DNAJC3: variants seen among roughly 807,000 people sequenced by gnomAD.
The protein encoded by DNAJC3 is DnaJ heat shock protein family (Hsp40) member C3, also known as dnaJ homolog subfamily C member 3.
A neutral mutation model predicts 68.6 loss-of-function variants in DNAJC3; 38 were observed. That is an observed-to-expected ratio of 0.55 (90% CI 0.43 to 0.73). DNAJC3 has a LOEUF of 0.73. Among genes scored for constraint, DNAJC3 ranks in the 30% least tolerant of loss-of-function variants. The pLI, the probability that DNAJC3 is intolerant of heterozygous loss-of-function variation, is 0.00. For synonymous variants in DNAJC3, 203 were observed against 204.0 expected (o/e 1.00, Z 0.04); for missense variants, 526 against 591.9 (o/e 0.89, Z 1.16).
intron 7 of DNAJC3, 48 bp downstream of exon 7, chr13:95,760,846 G>A (rs866571162): frequency 1.3e-6 from 2 of 1,588,038 alleles, no homozygotes; most frequent in African/African-American, 1.4e-5. Context: ...TATGTGCGGG[G>A]CTGTGGGCAC....
At chr13:95,691,786 A>C (rs1880270441) in intron 1 of DNAJC3, among the ~76,000 whole-genome samples, 1 of 151,914 alleles carries the variant, frequency 6.6e-6, no homozygotes, top group African/African-American at 2.4e-5. Context: ...AGTGAACGAG[A>C]CTCCCTCTGC....
intron 9 of DNAJC3, among the ~76,000 whole-genome samples, chr13:95,775,616 A>G (rs1883271560): frequency 6.6e-6 from 1 of 152,180 alleles, no homozygotes; most frequent in Non-Finnish European, 1.5e-5. Flanking sequence ...GTGTTAGTAT[A>G]CTTTTATAAT....
chr13:95,709,477 G>A (rs887878517), intron 2 of DNAJC3, 140 bp downstream of exon 2: 10 of 600,740 alleles, frequency 1.7e-5, no homozygotes, highest in African/African-American at 5.9e-5. Context: ...GATTCTGAGC[G>A]AAATAGATGG....
At chr13:95,773,152 GTTT>G (rs1191609072) in intron 9 of DNAJC3, among the ~76,000 whole-genome samples, 1,799 of 97,832 alleles carry the variant, frequency 0.018, 56 homozygotes, top group African/African-American at 0.066. Flanking sequence ...GACAAATTTA[GTTT>G]TTTTTTTTTT....
chr13:95,723,702 C>T (rs191393043), intron 3 of DNAJC3, among the ~76,000 whole-genome samples: 2 of 152,236 alleles, frequency 1.3e-5, no homozygotes, highest in African/African-American at 4.8e-5. Context: ...AAGATGCTAT[C>T]AGGTGACTGG....
intron 4 of DNAJC3, among the ~76,000 whole-genome samples, chr13:95,755,692 G>T (rs958628422): frequency 6.8e-6 from 1 of 146,000 alleles, no homozygotes; most frequent in Non-Finnish European, 1.5e-5. Context: ...AGGAGACGGA[G>T]GTTGCAGTGA....
At chr13:95,687,279 CT>C (rs1880096918) in intron 1 of DNAJC3, among the ~76,000 whole-genome samples, 1 of 151,916 alleles carries the variant, frequency 6.6e-6, no homozygotes, top group Non-Finnish European at 1.5e-5. Flanking sequence ...TTAGTAGAAT[CT>C]TTAGGGTTTT....
intron 4 of DNAJC3, among the ~76,000 whole-genome samples, chr13:95,742,449 T>C (rs537240285): frequency 1.3e-5 from 2 of 152,338 alleles, no homozygotes; most frequent in African/African-American, 4.8e-5. Flanking sequence ...GCAGTCTCCA[T>C]GCAGCTGGTT....
chr13:95,694,897 T>C (rs1880390044), intron 1 of DNAJC3: 1 of 152,654 alleles, frequency 6.6e-6, no homozygotes. Context: ...CTTATGTCCC[T>C]AGAAACCTGA....
In DNAJC3 at chr13:95,760,321, G is replaced by A. The variant is rs190109498; in HGVS notation, c.728+100G>A. The A allele has an allele frequency of 2.8e-4, 300 of 1,074,524 alleles. 1 individual carries two copies. In the African/African-American group the frequency reaches 4.3e-3, roughly 15 times the overall value. 66.6% of individuals were successfully genotyped at this position (1,074,524 alleles called of 1,614,324 possible). A position where few individuals can be genotyped will look rare whatever the true frequency, so the allele number is the denominator to read the frequency against. ...TTTAATATTAAATTAATAAGATGAT[G>A]GTAGTTAAGGCTGTTTTTATATTGT... On this transcript the variant is annotated intron_variant, in intron 6 of 11. Coordinates refer to ENST00000602402, the MANE Select transcript of DNAJC3 (RefSeq NM_006260.5).
At chr13:95,728,455 G>T (rs948385001) in intron 4 of DNAJC3, among the ~76,000 whole-genome samples, 2 of 152,048 alleles carry the variant, frequency 1.3e-5, no homozygotes, top group South Asian at 2.1e-4. Context: ...GTGCTTATTT[G>T]CCATCTGTAA....
intron 5 of DNAJC3, among the ~76,000 whole-genome samples, chr13:95,758,607 G>C (rs1289909438): frequency 7.5e-6 from 1 of 133,418 alleles, no homozygotes; most frequent in African/African-American, 3.1e-5. Context: ...CACAGAGTGA[G>C]ACTCCGTCTC....
At position 95,757,679 on chromosome 13, in the gene DNAJC3, A is replaced by C. The variant is rs757652876; in HGVS notation, c.429A>C (p.Glu143Asp). Residue 143 changes from glutamate to aspartate, a missense_variant, in exon 5 of 12, where the codon GAA becomes GAC. Transcript: ENST00000602402. ...ATCCAAGTGAAAATGAAGAAAAGGA[A>C]GCACAGTCTCAACTTATAAAATCTG... The part of the protein sequence containing the change: ...KSNPSENEEK[E>D]AQSQLIKSDE... 3 of 1,575,746 alleles carry C rather than the reference A, an allele frequency of 1.9e-6. No homozygotes were observed. In the Admixed American group the frequency reaches 5.0e-5, roughly 27 times the overall value.
chr13:95,756,231 C>G (rs867538802), intron 4 of DNAJC3, among the ~76,000 whole-genome samples: 1 of 152,310 alleles, frequency 6.6e-6, no homozygotes, highest in African/African-American at 2.4e-5. Context: ...CATTCATACT[C>G]TCTCCGATGG....
At chr13:95,752,598 G>A (rs542659709) in intron 4 of DNAJC3, among the ~76,000 whole-genome samples, 1 of 152,158 alleles carries the variant, frequency 6.6e-6, no homozygotes, top group East Asian at 1.9e-4. Flanking sequence ...AACTCCACTC[G>A]CGATTATATA....
chr13:95,691,062 A>AG (rs1358449724), intron 1 of DNAJC3, among the ~76,000 whole-genome samples: 1 of 131,102 alleles, frequency 7.6e-6, no homozygotes, highest in Admixed American at 7.6e-5. Context: ...GGCCGGGCAG[A>AG]GGGGCTCCTC....
intron 11 of DNAJC3, 117 bp downstream of exon 11, chr13:95,787,272 G>T: frequency 1.5e-6 from 2 of 1,298,370 alleles, no homozygotes; most frequent in Non-Finnish European, 2.1e-6. Flanking sequence ...CCTGAGCCCA[G>T]TTCCAGAGGT....
intron 4 of DNAJC3, among the ~76,000 whole-genome samples, chr13:95,734,648 C>T (rs945558201): frequency 6.6e-6 from 1 of 152,064 alleles, no homozygotes; most frequent in Non-Finnish European, 1.5e-5. Context: ...TCTGTGACAA[C>T]AAAAATTCAA....
chr13:95,695,473 C>A (rs566626675), intron 1 of DNAJC3: 1 of 152,230 alleles, frequency 6.6e-6, no homozygotes, highest in African/African-American at 2.4e-5. Flanking sequence ...TCTATTCTAG[C>A]AGTTATTCTT....
Sources: allele counts gnomAD v4.1 joint callset (sites outside exome capture counted in the v4.1 genomes callset), GRCh38; gene constraint gnomAD v4.1.1; transcripts MANE v1.5; gene names NCBI Gene and HGNC (gene_info 2026-07-23, HGNC 2026-07-21).